Variants in ZNF704 observed in about 807,000 individuals in gnomAD.
The protein encoded by ZNF704 is zinc finger protein 704, also known as glucocorticoid induced gene 1.
Under a neutral mutation model 44.7 loss-of-function variants are expected in ZNF704, and 10 were observed. The ratio of observed to expected loss-of-function variants is 0.22; its 90% CI spans 0.14 to 0.38. The LOEUF is 0.38. ZNF704 is among the 10% of genes least tolerant of loss of function. The pLI is 1.00. For missense variants in ZNF704, 390 were observed against 545.5 expected (o/e 0.71, Z 2.84); for synonymous variants, 211 against 207.6 (o/e 1.02, Z -0.14).
intron 1 of ZNF704, among the ~76,000 whole-genome samples, chr8:80,860,735 T>G (rs975689276): frequency 3.9e-5 from 6 of 152,206 alleles, no homozygotes; most frequent in Non-Finnish European, 7.3e-5. Context: ...ACAAGATGCA[T>G]GTACATACTG....
At chr8:80,834,609 T>TA (rs1272533933) in intron 1 of ZNF704, among the ~76,000 whole-genome samples, 1 of 152,168 alleles carries the variant, frequency 6.6e-6, no homozygotes, top group African/African-American at 2.4e-5. Context: ...TGGTTTGCTG[T>TA]ACCTATCCGC....
At chr8:80,767,240 A>G (rs769834009) in intron 2 of ZNF704, among the ~76,000 whole-genome samples, 4 of 152,146 alleles carry the variant, frequency 2.6e-5, no homozygotes, top group Admixed American at 6.5e-5. Flanking sequence ...AAAGACTTGT[A>G]ATTAACTTGG....
chr8:80,677,196 T>A (rs1255121761), intron 4 of ZNF704, among the ~76,000 whole-genome samples: 1 of 152,192 alleles, frequency 6.6e-6, no homozygotes, highest in East Asian at 1.9e-4. Context: ...TCCTCCTACA[T>A]CATGGGACTT....
In ZNF704 at chr8:80,635,760, T is replaced by C. The variant is rs370646667; in HGVS notation, c.*5606A>G. 38 of 152,332 alleles carry C rather than the reference T, an allele frequency of 2.5e-4. No homozygotes were observed. Among genetic ancestry groups the C allele is most frequent in the African/African-American group, 8.9e-4 (37 of 41,582 alleles). 9.4% of individuals were successfully genotyped at this position (152,332 alleles called of 1,614,324 possible). A position where few individuals can be genotyped will look rare whatever the true frequency, so the allele number is the denominator to read the frequency against. On this transcript the variant is annotated 3_prime_UTR_variant, in exon 9 of 9. Transcript: ENST00000327835. ...ATGACTCTTCAGGCATCTTTTTCCA[T>C]ACTTTGAAAACACACTAGTAATGGT...
At chr8:80,862,037 CTT>C (rs1462168925) in intron 1 of ZNF704, among the ~76,000 whole-genome samples, 1 of 76,068 alleles carries the variant, frequency 1.3e-5, no homozygotes, top group East Asian at 4.3e-4. Flanking sequence ...GAGTTTTACT[CTT>C]GTCGCCCAGG....
intron 2 of ZNF704, among the ~76,000 whole-genome samples, chr8:80,747,075 G>A (rs797015206): frequency 3.9e-5 from 6 of 152,166 alleles, no homozygotes; most frequent in African/African-American, 1.4e-4. Context: ...TTCCACATCT[G>A]CTTCCTCGAT....
intron 2 of ZNF704, among the ~76,000 whole-genome samples, chr8:80,818,027 G>A (rs1808204883): frequency 6.6e-6 from 1 of 152,194 alleles, no homozygotes; most frequent in Non-Finnish European, 1.5e-5. Context: ...ATGGAGGCAG[G>A]AGATCTGAAA....
Position 80,742,772 on chromosome 8 carries a change from C to A in ZNF704, c.222-49665G>T, listed in dbSNP as rs146262631. On this transcript the variant is annotated intron_variant, in intron 2 of 8. Transcript: ENST00000327835. ...CCCTCCCAAGGACCCCTGCATGACC[C>A]CTACTACACTCCAATTCAGCAGGAA... Among the ~76,000 whole-genome samples, 510 of 152,150 alleles carry A rather than the reference C, an allele frequency of 3.4e-3. 4 individuals carry two copies. Among genetic ancestry groups the A allele is most frequent in the African/African-American group, 0.011 (475 of 41,512 alleles).
At chr8:80,781,225 G>A (rs900409513) in intron 2 of ZNF704, among the ~76,000 whole-genome samples, 1 of 152,080 alleles carries the variant, frequency 6.6e-6, no homozygotes, top group African/African-American at 2.4e-5. Flanking sequence ...AAAATCCACA[G>A]TTTCTAAACC....
At chr8:80,673,435 G>A (rs944218058) in intron 4 of ZNF704, 7 of 152,314 alleles carry the variant, frequency 4.6e-5, no homozygotes, top group Non-Finnish European at 2.9e-5. Context: ...TGACATGTGA[G>A]AAAAATGGGT....
chr8:80,761,848 C>T (rs187277504), intron 2 of ZNF704, among the ~76,000 whole-genome samples: 14 of 152,310 alleles, frequency 9.2e-5, no homozygotes, highest in African/African-American at 2.9e-4. Context: ...TGTGTACACC[C>T]AGCTTTATAA....
Position 80,874,504 on chromosome 8 carries a change from C to G in ZNF704, c.-22+67G>C, listed in dbSNP as rs750683342. ...CACCACCGCCCCCCTCTTCGCGAGC[C>G]ATTCCTCACAACCCTCCGGTCCCCC... On this transcript the variant is annotated intron_variant, in intron 1 of 8. Coordinates refer to ENST00000327835, the MANE Select transcript of ZNF704 (RefSeq NM_001033723.3). This position sits in a 1 kb window ranked among gnomAD's most constrained non-coding sequence, Gnocchi z 4.4. The G allele has an allele frequency of 6.6e-6, 1 of 151,812 alleles. No individual in the cohort carries two copies. Among genetic ancestry groups the G allele is most frequent in the Non-Finnish European group, 1.5e-5 (1 of 67,922 alleles). 9.4% of individuals were successfully genotyped at this position (151,812 alleles called of 1,614,324 possible).
rs73273047 is a variant in ZNF704 at position 80,710,168 on chromosome 8, A to G, written c.222-17061T>C. The stretch of plus-strand genomic sequence containing the variant: ...ACCTCCTATCTTCCAGAACTGTTTG[A>G]GAGTCACTCCAATATTTGCCCAAGA... On this transcript the variant is annotated intron_variant, in intron 2 of 8. Coordinates refer to ENST00000327835, the MANE Select transcript of ZNF704 (RefSeq NM_001033723.3). 4.4e-3 allele frequency among the ~76,000 whole-genome samples: 677 copies of G among 152,274 alleles called. 5 individuals are homozygous for G. The highest frequency in any genetic ancestry group is 0.015 in the African/African-American group (621 of 41,554).
intron 2 of ZNF704, among the ~76,000 whole-genome samples, chr8:80,751,376 C>T (rs1376592328): frequency 6.6e-6 from 1 of 152,204 alleles, no homozygotes; most frequent in African/African-American, 2.4e-5. Flanking sequence ...AAGTTTCTGT[C>T]AGTCTGCTTG....
chr8:80,816,684 A>T (rs1044184461), intron 2 of ZNF704, among the ~76,000 whole-genome samples: 2 of 152,212 alleles, frequency 1.3e-5, no homozygotes, highest in Admixed American at 1.3e-4. Flanking sequence ...TGATCCTAAA[A>T]GCTAGGAATT....
chr8:80,850,042 T>C (rs928779651), intron 1 of ZNF704, among the ~76,000 whole-genome samples: 1 of 152,204 alleles, frequency 6.6e-6, no homozygotes, highest in Admixed American at 6.5e-5. Context: ...ATGGTAACTT[T>C]TTAGGATTTC....
chr8:80,713,093 CA>C (rs1819013797), intron 2 of ZNF704, among the ~76,000 whole-genome samples: 1 of 152,040 alleles, frequency 6.6e-6, no homozygotes, highest in African/African-American at 2.4e-5. Flanking sequence ...GATGAGGTTT[CA>C]CCATTTTGGT....
At chr8:80,873,970 C>A (rs1809309530) in intron 1 of ZNF704, among the ~76,000 whole-genome samples, 1 of 146,518 alleles carries the variant, frequency 6.8e-6, no homozygotes. Context: ...CGGGCGCCGG[C>A]CCGGCAGGCT....
intron 6 of ZNF704, 132 bp downstream of exon 6, chr8:80,664,683 G>T: frequency 8.8e-7 from 1 of 1,139,184 alleles, no homozygotes; most frequent in Non-Finnish European, 1.3e-6. Flanking sequence ...TTTAAAGGGA[G>T]AAAAATCAAA....
Sources: allele counts gnomAD v4.1 joint callset (sites outside exome capture counted in the v4.1 genomes callset), GRCh38; gene constraint gnomAD v4.1.1; non-coding constraint Gnocchi (gnomAD v3.1); transcripts MANE v1.5; gene names NCBI Gene and HGNC (gene_info 2026-07-23, HGNC 2026-07-21).